The following CDADC1 variants were observed in gnomAD, a reference collection of about 807,000 sequenced individuals.
The protein encoded by CDADC1 is cytidine and dCMP deaminase domain containing 1.
CDADC1 carries 39 observed loss-of-function variants against 54.9 expected under a neutral mutation model. That is an observed-to-expected ratio of 0.71 (90% CI 0.55 to 0.93). The LOEUF (loss-of-function observed/expected upper bound fraction) is 0.93. Ranked by LOEUF, CDADC1 falls within the 40% of genes least tolerant of loss-of-function variation. The pLI is 0.00. For missense variants in CDADC1, 518 were observed against 618.8 expected, an observed-to-expected ratio of 0.84 and a Z score of 1.73; for synonymous variants, 186 against 204.0, an observed-to-expected ratio of 0.91 and a Z score of 0.75.
At chr13:49,286,363 A>G in intron 9 of CDADC1, 81 bp downstream of exon 9, 1 of 1,003,994 alleles carries the variant, frequency 1.0e-6, no homozygotes, top group South Asian at 1.3e-5. Context: ...GGTGATGAAA[A>G]TTGTGTTAAT....
chr13:49,256,218 G>C (rs1471265602), intron 3 of CDADC1, among the ~76,000 whole-genome samples: 1 of 151,962 alleles, frequency 6.6e-6, no homozygotes, highest in Non-Finnish European at 1.5e-5. Flanking sequence ...CACCTTGCTG[G>C]GTATGCCAAG....
chr13:49,280,551 G>T lies in CDADC1; in HGVS notation c.1263G>T (p.Val421=). Residue 421 remains valine, a synonymous_variant, in exon 8 of 10, where the codon GTG becomes GTT. Transcript: ENST00000251108. ...CAGAAGAAAGAAGCATGATTTTTGT[G>T]ACAAAGTGCCCATGTGATGAGTGTG... ...IKPEERSMIF[V]TKCPCDECVP... is the part of the protein sequence containing the mutation. 1 of 1,456,652 alleles carries T rather than the reference G, an allele frequency of 6.9e-7. No homozygotes were observed. The highest frequency in any genetic ancestry group is 1.6e-5 in the South Asian group (1 of 62,808). 90.2% of individuals were successfully genotyped at this position (1,456,652 alleles called of 1,614,324 possible). A position where few individuals can be genotyped will look rare whatever the true frequency, so the allele number is the denominator to read the frequency against.
chr13:49,272,663 T>C lies in CDADC1; in HGVS notation c.1001-1628T>C, dbSNP rs188692628. Reference sequence around the variant, plus strand: ...TTGTCAAGGATTTCTTTTTCTTTTTTTTTTTTTTTTTTGAGATGGAGTTCT... The same window carrying C: ...TTGTCAAGGATTTCTTTTTCTTTTTCTTTTTTTTTTTTGAGATGGAGTTCT... On this transcript the variant is annotated intron_variant, in intron 5 of 9. Coordinates refer to ENST00000251108, the MANE Select transcript of CDADC1 (RefSeq NM_030911.4). Among the ~76,000 whole-genome samples, 393 of 150,512 alleles carry C rather than the reference T, an allele frequency of 2.6e-3. 3 individuals carry two copies. The highest frequency in any genetic ancestry group is 9.0e-3 in the African/African-American group (370 of 41,030).
At chr13:49,291,333 A>T (rs918776087) in intron 9 of CDADC1, among the ~76,000 whole-genome samples, 2 of 88,722 alleles carry the variant, frequency 2.3e-5, no homozygotes, top group Non-Finnish European at 5.5e-5. Context: ...ACACCTGTTT[A>T]AAAAAAAAAA....
chr13:49,251,132 G>C (rs761457191), intron 2 of CDADC1, among the ~76,000 whole-genome samples: 3 of 152,018 alleles, frequency 2.0e-5, no homozygotes, highest in African/African-American at 7.2e-5. Flanking sequence ...CTTTTAGGCC[G>C]GGTGCAGTGG....
At chr13:49,281,357 C>T (rs1953328762) in intron 8 of CDADC1, among the ~76,000 whole-genome samples, 2 of 152,154 alleles carry the variant, frequency 1.3e-5, no homozygotes, top group African/African-American at 4.8e-5. Context: ...GGTGAAAATA[C>T]TTCAGCAGTC....
At chr13:49,254,758 T>G (rs1451285625) in intron 2 of CDADC1, among the ~76,000 whole-genome samples, 1 of 152,182 alleles carries the variant, frequency 6.6e-6, no homozygotes, top group Non-Finnish European at 1.5e-5. Context: ...CTTAATCAAC[T>G]TACTTCATAG....
intron 6 of CDADC1, among the ~76,000 whole-genome samples, chr13:49,274,559 T>A (rs1953051633): frequency 6.6e-6 from 1 of 151,538 alleles, no homozygotes; most frequent in South Asian, 2.1e-4. Context: ...TAGTCCCAGC[T>A]ACTCGGGAGG....
At chr13:49,264,555 C>CAAAA (rs140774111) in intron 4 of CDADC1, among the ~76,000 whole-genome samples, 4 of 103,864 alleles carry the variant, frequency 3.9e-5, no homozygotes, top group Admixed American at 2.3e-4. Flanking sequence ...CCATCTCTAC[C>CAAAA]AAAAAAAAAA....
At chr13:49,277,206 T>C (rs1279352972) in intron 6 of CDADC1, among the ~76,000 whole-genome samples, 1 of 150,264 alleles carries the variant, frequency 6.7e-6, no homozygotes, top group East Asian at 2.0e-4. Flanking sequence ...GTGCAGTGGC[T>C]CATGCCTGTA....
At chr13:49,256,470 C>T (rs1433388458) in intron 3 of CDADC1, among the ~76,000 whole-genome samples, 1 of 152,188 alleles carries the variant, frequency 6.6e-6, no homozygotes, top group African/African-American at 2.4e-5. Context: ...GGGCAGGAAA[C>T]AGAAATGATG....
chr13:49,276,163 TA>T (rs1439405120), intron 6 of CDADC1, among the ~76,000 whole-genome samples: 1 of 152,188 alleles, frequency 6.6e-6, no homozygotes, highest in East Asian at 1.9e-4. Flanking sequence ...ATTCTGCATT[TA>T]AAAAATATTA....
At chr13:49,275,237 C>T (rs1953074553) in intron 6 of CDADC1, among the ~76,000 whole-genome samples, 1 of 151,654 alleles carries the variant, frequency 6.6e-6, no homozygotes, top group South Asian at 2.1e-4. Flanking sequence ...AGGCATGTAC[C>T]ACCACACCTG....
intron 6 of CDADC1, among the ~76,000 whole-genome samples, chr13:49,275,720 TATATATAGAGAGAGAGAGAGAGAGAGAG>T (rs1953103454): frequency 3.5e-3 from 90 of 26,034 alleles, no homozygotes; most frequent in South Asian, 7.8e-3. Flanking sequence ...TATATATATA[TATATATAGAGAGAGAGAGAGAGAGAGAG>T]AGAGAGAGAG....
At chr13:49,266,634 T>C (rs1200572894) in intron 4 of CDADC1, among the ~76,000 whole-genome samples, 2 of 152,230 alleles carry the variant, frequency 1.3e-5, no homozygotes, top group African/African-American at 2.4e-5. Flanking sequence ...TGTTTTATTA[T>C]GAGGAGGACC....
chr13:49,248,100 C>T lies in CDADC1; in HGVS notation c.63C>T (p.Thr21=). The T allele has an allele frequency of 6.4e-7, 1 of 1,552,560 alleles. No individual in the cohort carries two copies. Among genetic ancestry groups the T allele is most frequent in the Non-Finnish European group, 8.7e-7 (1 of 1,147,650 alleles). Residue 21 remains threonine, a synonymous_variant, in exon 1 of 10, where the codon ACC becomes ACT. Coordinates refer to ENST00000251108, the MANE Select transcript of CDADC1 (RefSeq NM_030911.4). ...CGAGGGCCGGGCGGTCAGTCAGCAC[C>T]CAGACTGGCAGCATGACCGGTGAGT... ...ESARAGRSVS[T]QTGSMTGQIP...
intron 2 of CDADC1, among the ~76,000 whole-genome samples, chr13:49,251,095 T>C (rs575093420): frequency 1.3e-5 from 2 of 152,244 alleles, no homozygotes; most frequent in South Asian, 4.1e-4. Context: ...AGAGCCAGAT[T>C]AGAAACAAAT....
intron 5 of CDADC1, 115 bp downstream of exon 5, chr13:49,268,174 T>A: frequency 7.1e-6 from 6 of 841,262 alleles, no homozygotes; most frequent in Non-Finnish European, 1.1e-5. Context: ...GTTTTGCTGT[T>A]CATACAATAT....
In CDADC1 at chr13:49,267,835, G is replaced by A. The variant is rs1231619061; in HGVS notation, c.776G>A (p.Gly259Asp). The change falls in exon 5 of 10, where the codon GGT becomes GAT. Residue 259 changes from glycine to aspartate, a missense_variant. By Grantham distance (94) the Gly-to-Asp change is moderately conservative. Transcript: ENST00000251108. ...CATAAGCAAATACTGATGACTATAG[G>A]TTTGGAGAACCTGTGTGAAAATCCA... is the stretch of plus-strand genomic sequence containing the variant. The part of the protein sequence containing the change: ...EMHKQILMTI[G>D]LENLCENPYF... The A allele has an allele frequency of 3.1e-6, 5 of 1,613,924 alleles. No homozygotes were observed. The highest frequency in any genetic ancestry group is 3.4e-6 in the Non-Finnish European group (4 of 1,179,880).
Sources: allele counts gnomAD v4.1 joint callset (sites outside exome capture counted in the v4.1 genomes callset), GRCh38; gene constraint gnomAD v4.1.1; transcripts MANE v1.5; gene names NCBI Gene and HGNC (gene_info 2026-07-23, HGNC 2026-07-21).